The following SLC3A1 variants were observed in gnomAD, a reference collection of about 807,000 sequenced individuals.
SLC3A1 encodes amino acid transporter heavy chain SLC3A1.
Under a neutral mutation model 60.3 loss-of-function variants are expected in SLC3A1, and 78 were observed. The ratio of observed to expected loss-of-function variants is 1.29; its 90% CI spans 1.08 to 1.56. SLC3A1 has a LOEUF of 1.56. Among genes scored for constraint, SLC3A1 ranks in the 40% most tolerant of loss-of-function variants. The pLI is 0.00. For missense variants in SLC3A1, 1,172 were observed against 858.9 expected, an observed-to-expected ratio of 1.36 and a Z score of -4.56; for synonymous variants, 392 against 307.9, an observed-to-expected ratio of 1.27 and a Z score of -2.86.
intron 7 of SLC3A1, among the ~76,000 whole-genome samples, chr2:44,307,363 T>A (rs79308999): frequency 2.0e-5 from 3 of 152,204 alleles, no homozygotes; most frequent in African/African-American, 7.2e-5. Flanking sequence ...AGGAGTGGAA[T>A]TGCTCCACTG....
chr2:44,303,647 G>C (rs1462524872), intron 6 of SLC3A1, among the ~76,000 whole-genome samples: 1 of 151,894 alleles, frequency 6.6e-6, no homozygotes, highest in African/African-American at 2.4e-5. Flanking sequence ...TTGTTACATA[G>C]GTATACATGT....
chr2:44,310,450 A>C (rs915481006), intron 7 of SLC3A1, among the ~76,000 whole-genome samples: 1 of 152,208 alleles, frequency 6.6e-6, no homozygotes, highest in African/African-American at 2.4e-5. Context: ...ATCACTTTGA[A>C]TATGTCATCC....
intron 4 of SLC3A1, among the ~76,000 whole-genome samples, chr2:44,290,735 G>A (rs935493193): frequency 7.0e-6 from 1 of 142,152 alleles, no homozygotes; most frequent in Admixed American, 7.1e-5. Context: ...TGTATGAATT[G>A]TTTTGGAATT....
intron 6 of SLC3A1, chr2:44,303,738 A>T: frequency 2.9e-6 from 1 of 339,284 alleles, no homozygotes; most frequent in South Asian, 3.1e-5. Context: ...TTAGCCCCCC[A>T]CCCACTGACA....
intron 4 of SLC3A1, among the ~76,000 whole-genome samples, chr2:44,298,391 T>A (rs1353312775): frequency 1.3e-5 from 2 of 152,080 alleles, no homozygotes; most frequent in African/African-American, 2.4e-5. Context: ...TGCCTTTTTT[T>A]TTCTTGAAAC....
Position 44,320,329 on chromosome 2 carries a change from C to T in SLC3A1, c.1748C>T (p.Thr583Ile). 1 of 1,614,140 alleles carries T rather than the reference C, an allele frequency of 6.2e-7. No individual in the cohort carries two copies. Among genetic ancestry groups the T allele is most frequent in the Non-Finnish European group, 8.5e-7 (1 of 1,179,996 alleles). ...AATGACAGCCACTATGTTGTGTACA[C>T]AAGAGAGCTGGATGGCATCGACAGA... ...LRNDSHYVVY[T>I]RELDGIDRIF... The change falls in exon 10 of 10, where the codon ACA (threonine) becomes ATA (isoleucine). Residue 583 changes from threonine (T) to isoleucine (I), a missense_variant. Coordinates refer to ENST00000260649, the MANE Select transcript of SLC3A1 (RefSeq NM_000341.4).
In SLC3A1 at chr2:44,301,746, A is replaced by AAG. The variant is rs1294229852; in HGVS notation, c.1136+620_1136+621insGA. Among the ~76,000 whole-genome samples the AAG allele has an allele frequency of 1.1e-4, 17 of 151,240 alleles. No homozygotes were observed. In the East Asian group the frequency reaches 3.1e-3, roughly 28 times the overall value. On this transcript the variant is annotated intron_variant, in intron 6 of 9. Coordinates refer to ENST00000260649, the MANE Select transcript of SLC3A1 (RefSeq NM_000341.4). ...AGAGCGAGACTCCATCACAAAAAAA[A>AAG]AAAAAAAAAAGAACCAAAAAAACAA... is the stretch of plus-strand genomic sequence containing the variant.
Position 44,321,401 on chromosome 2 carries a change from G to A in SLC3A1, c.*762G>A, listed in dbSNP as rs1359281085. ...TAAGATCCTCGAAAACACTGGTGCT[G>A]TCAAGTCCAAGTTCCTCGTACAGGA... On this transcript the variant is annotated 3_prime_UTR_variant, in exon 10 of 10. Transcript: ENST00000260649. The A allele has an allele frequency of 2.5e-6, 4 of 1,613,018 alleles. No individual in the cohort carries two copies. The highest frequency in any genetic ancestry group is 1.7e-5 in the Admixed American group (1 of 59,984).
In SLC3A1 at chr2:44,304,196, A is replaced by G. The variant is rs774721263; in HGVS notation, c.1190A>G (p.Tyr397Cys). ...AGTATTGACAGGACCGTGATGTACT[A>G]TGGATTGCCATTTATCCAAGAAGCT... is the stretch of plus-strand genomic sequence containing the variant. ...AESIDRTVMYYGLPFIQEADF... is the reference protein window; with the variant it reads ...AESIDRTVMYCGLPFIQEADF... Residue 397 changes from tyrosine to cysteine, a missense_variant, in exon 7 of 10, where the codon TAT becomes TGT. Coordinates refer to ENST00000260649, the MANE Select transcript of SLC3A1 (RefSeq NM_000341.4). 16 of 1,613,968 alleles carry G rather than the reference A, an allele frequency of 9.9e-6. No individual in the cohort carries two copies. Among genetic ancestry groups the G allele is most frequent in the Admixed American group, 6.7e-5 (4 of 59,994 alleles).
chr2:44,304,242 C>A lies in SLC3A1; in HGVS notation c.1236C>A (p.Tyr412Ter). The part of the protein sequence containing the change: ...IQEADFPFNN[Y>*]LSMLDTVSGN... ...AAGCTGATTTTCCCTTCAACAATTA[C>A]CTCAGCATGCTAGACACTGTTTCTG... The change falls in exon 7 of 10, where the codon TAC (tyrosine) becomes TAA (stop). Residue 412 changes from tyrosine to a stop codon, truncating the protein, a stop_gained. Coordinates refer to ENST00000260649, the MANE Select transcript of SLC3A1 (RefSeq NM_000341.4). LOFTEE classifies it high-confidence loss of function. 6.2e-7 allele frequency: 1 copy of A among 1,613,984 alleles called. No individual in the cohort carries two copies.
intron 9 of SLC3A1, chr2:44,317,795 T>A (rs1373428564): frequency 1.3e-5 from 2 of 157,174 alleles, no homozygotes; most frequent in Admixed American, 6.4e-5. Context: ...ATAGTATAAC[T>A]ACAAATAAAA....
intron 9 of SLC3A1, among the ~76,000 whole-genome samples, chr2:44,316,769 G>C (rs1672475854): frequency 6.6e-6 from 1 of 152,176 alleles, no homozygotes; most frequent in East Asian, 1.9e-4. Context: ...AGTTGTAATG[G>C]AAACGGAATT....
At chr2:44,312,546 T>G (rs190556612) in intron 7 of SLC3A1, 40 bp from the exon 8 acceptor site, 5 of 1,603,590 alleles carry the variant, frequency 3.1e-6, no homozygotes, top group Admixed American at 1.7e-5. Flanking sequence ...TTCAGAAAAC[T>G]GTGTATACAG....
intron 9 of SLC3A1, among the ~76,000 whole-genome samples, chr2:44,315,741 T>C (rs1428005951): frequency 1.3e-5 from 2 of 151,108 alleles, no homozygotes; most frequent in Admixed American, 6.6e-5. Context: ...GACAGCACTG[T>C]AGGAATTTCC....
At chr2:44,321,496 G>A, downstream of SLC3A1, 1 of 1,586,730 alleles carries the variant, frequency 6.3e-7, no homozygotes. Flanking sequence ...GTAGTAAAAT[G>A]CCACTGTTTA....
At chr2:44,277,718 C>T (rs713446) in intron 1 of SLC3A1, among the ~76,000 whole-genome samples, 10,586 of 152,218 alleles carry the variant, frequency 0.07, 405 homozygotes, top group East Asian at 0.1. Flanking sequence ...ATATGTTTAC[C>T]ACTTCCTGGC....
At chr2:44,310,466 C>T (rs945641466) in intron 7 of SLC3A1, among the ~76,000 whole-genome samples, 83 of 152,228 alleles carry the variant, frequency 5.5e-4, no homozygotes, top group African/African-American at 1.9e-3. Flanking sequence ...CATCCCATTG[C>T]CCTCTGGCCT....
chr2:44,313,038 C>G (rs956345266), intron 8 of SLC3A1, among the ~76,000 whole-genome samples: 1 of 151,688 alleles, frequency 6.6e-6, no homozygotes, highest in Non-Finnish European at 1.5e-5. Context: ...ATTTATTTTG[C>G]CAGGAATACT....
In SLC3A1 at chr2:44,286,081, A is replaced by G; in HGVS notation, c.815A>G (p.Gln272Arg). ...SSWHFDEVRN[Q>R]CYFHQFMKEQ... is the part of the protein sequence containing the mutation. The stretch of plus-strand genomic sequence containing the variant: ...TGGCACTTTGACGAAGTGCGAAACC[A>G]ATGTTATTTTCATCAGTTTATGAAA... Residue 272 changes from glutamine (Q) to arginine (R), a missense_variant, in exon 4 of 10, where the codon CAA becomes CGA. Coordinates refer to ENST00000260649, the MANE Select transcript of SLC3A1 (RefSeq NM_000341.4). 1.2e-6 allele frequency: 2 copies of G among 1,613,968 alleles called. No individual in the cohort carries two copies. Among genetic ancestry groups the G allele is most frequent in the Non-Finnish European group, 1.7e-6 (2 of 1,179,822 alleles).
Sources: allele counts gnomAD v4.1 joint callset (sites outside exome capture counted in the v4.1 genomes callset), GRCh38; gene constraint gnomAD v4.1.1; transcripts MANE v1.5; gene names NCBI Gene and HGNC (gene_info 2026-07-23, HGNC 2026-07-21).